Variants in SLC34A3 observed in about 807,000 individuals in gnomAD.
SLC34A3 encodes solute carrier family 34 member 3, also known as sodium-dependent phosphate transport protein 2C.
Under a neutral mutation model 43.9 loss-of-function variants are expected in SLC34A3, and 60 were observed. The observed-to-expected ratio is 1.37, with a 90% CI of 1.11 to 1.70. The LOEUF (loss-of-function observed/expected upper bound fraction) is 1.70. SLC34A3 is among the 40% of genes most tolerant of loss of function. The pLI, the probability that SLC34A3 is intolerant of heterozygous loss-of-function variation, is 0.00. For synonymous variants in SLC34A3, 451 were observed against 386.2 expected (o/e 1.17, Z -1.97); for missense variants, 969 against 823.8 (o/e 1.18, Z -2.16).
chr9:137,232,975 G>A (rs1362991475), intron 5 of SLC34A3, 29 bp from the exon 6 acceptor site: 6 of 1,607,724 alleles, frequency 3.7e-6, no homozygotes, highest in East Asian at 4.5e-5. Context: ...AGGGTGGGCC[G>A]CAGGCTGACT....
Position 137,234,303 on chromosome 9 carries a change from G to A in SLC34A3, c.1093+27G>A, listed in dbSNP as rs1475736805. On this transcript the variant is annotated intron_variant, in intron 10 of 12. Transcript: ENST00000673835. The surrounding 1 kb of genome is among the most constrained non-coding windows in gnomAD (Gnocchi z 6.9). ...TGAGGGCGTGGGAGGAGGTGCGGTG[G>A]CCAGGGCTGACCCAGCATCCCCCAT... is the stretch of plus-strand genomic sequence containing the variant. The A allele has an allele frequency of 1.9e-6, 3 of 1,607,680 alleles. No homozygotes were observed. The highest frequency in any genetic ancestry group is 1.3e-5 in the African/African-American group (1 of 75,000).
chr9:137,234,234 C>G lies in SLC34A3; in HGVS notation c.1051C>G (p.Arg351Gly). 1 of 1,609,874 alleles carries G rather than the reference C, an allele frequency of 6.2e-7. No homozygotes were observed. The highest frequency in any genetic ancestry group is 1.1e-5 in the South Asian group (1 of 90,678). Residue 351 changes from arginine to glycine, a missense_variant, in exon 10 of 13, where the codon CGC becomes GGC. Transcript: ENST00000673835. The surrounding 1 kb of genome is among the most constrained non-coding windows in gnomAD (Gnocchi z 6.9). ...AGTCAAGCTGCTCAACTCTGTGCTG[C>G]GCGGCCGCGTGGCCCAGGTCGTGAG... ...LIVKLLNSVLRGRVAQVVRTV... is the reference protein window; with the variant it reads ...LIVKLLNSVLGGRVAQVVRTV...
At chr9:137,232,975 G>T (rs1362991475) in intron 5 of SLC34A3, 29 bp from the exon 6 acceptor site, 1 of 1,607,844 alleles carries the variant, frequency 6.2e-7, no homozygotes, top group Non-Finnish European at 8.5e-7. Context: ...AGGGTGGGCC[G>T]CAGGCTGACT....
At position 137,236,207 on chromosome 9, in the gene SLC34A3, G is replaced by A. The variant is rs1202795596; in HGVS notation, c.1591G>A (p.Val531Ile). 2.5e-6 allele frequency: 4 copies of A among 1,593,560 alleles called. No individual in the cohort carries two copies. Among genetic ancestry groups the A allele is most frequent in the Non-Finnish European group, 3.4e-6 (4 of 1,172,498 alleles). ...GGGGCTGGTGCTCCTCGTCATCCTG[G>A]TTACTGTCCTGCAGCGGCGCCGGCC... The part of the protein sequence containing the change: ...LVGLVLLVIL[V>I]TVLQRRRPAW... Residue 531 changes from valine to isoleucine, a missense_variant, in exon 13 of 13, where the codon GTT becomes ATT. Physicochemically the swap from Val to Ile is conservative, Grantham distance 29. Transcript: ENST00000673835.
At position 137,234,465 on chromosome 9, in the gene SLC34A3, G is replaced by C; in HGVS notation, c.1143G>C (p.Ala381=). The change falls in exon 11 of 13, where the codon GCG becomes GCC. Residue 381 remains alanine (A), a synonymous_variant. Transcript: ENST00000673835. This position sits in a 1 kb window ranked among gnomAD's most constrained non-coding sequence, Gnocchi z 6.9. ...TCGGCGGCTACCTGGCCGTCCTCGCGGGCGCCGGCCTGACCTTCGCACTGC... is the reference window on the plus strand; with the variant it reads ...TCGGCGGCTACCTGGCCGTCCTCGCCGGCGCCGGCCTGACCTTCGCACTGC... ...GWLGGYLAVL[A]GAGLTFALQS... is the part of the protein sequence containing the mutation. The C allele has an allele frequency of 6.3e-7, 1 of 1,599,730 alleles. No homozygotes were observed. Among genetic ancestry groups the C allele is most frequent in the Non-Finnish European group, 8.5e-7 (1 of 1,179,272 alleles).
chr9:137,234,472 G>A lies in SLC34A3; in HGVS notation c.1150G>A (p.Gly384Ser), dbSNP rs201401168. 46 of 1,600,484 alleles carry A rather than the reference G, an allele frequency of 2.9e-5. No individual in the cohort carries two copies. In the African/African-American group the frequency reaches 3.7e-4, roughly 13 times the overall value. ...GGYLAVLAGA[G>S]LTFALQSSSV... is the part of the protein sequence containing the mutation. Reference sequence around the variant, plus strand: ...CTACCTGGCCGTCCTCGCGGGCGCCGGCCTGACCTTCGCACTGCAGAGCAG... The same window carrying A: ...CTACCTGGCCGTCCTCGCGGGCGCCAGCCTGACCTTCGCACTGCAGAGCAG... The change falls in exon 11 of 13, where the codon GGC becomes AGC. Residue 384 changes from glycine (G) to serine (S), a missense_variant. Physicochemically the swap from Gly to Ser is moderately conservative, Grantham distance 56. Coordinates refer to ENST00000673835, the MANE Select transcript of SLC34A3 (RefSeq NM_001177316.2). This position sits in a 1 kb window ranked among gnomAD's most constrained non-coding sequence, Gnocchi z 6.9.
intron 8 of SLC34A3, 57 bp downstream of exon 8, chr9:137,233,779 T>TGGGCCCCCCCC: frequency 6.9e-7 from 1 of 1,445,788 alleles, no homozygotes; most frequent in Non-Finnish European, 9.6e-7. Context: ...TGCTGAGTCA[T>TGGGCCCCCCCC]CCCGCCCCAC....
chr9:137,233,292 T>C lies in SLC34A3; in HGVS notation c.644T>C (p.Leu215Pro), dbSNP rs777540844. The C allele has an allele frequency of 3.0e-5, 48 of 1,592,486 alleles. 1 individual carries two copies. The South Asian group carries it at 4.5e-4, about 15-fold the overall frequency. ...CTGCCACTGGAGAGCGCCACGGCCC[T>C]GCTGGAGAGGCTAAGTGAGCTAGCC... ...VLLPLESATA[L>P]LERLSELALG... is the part of the protein sequence containing the mutation. The change falls in exon 7 of 13, where the codon CTG becomes CCG. Residue 215 changes from leucine to proline, a missense_variant. Leu to Pro is a moderately conservative substitution (Grantham distance 98, BLOSUM62 -3). Coordinates refer to ENST00000673835, the MANE Select transcript of SLC34A3 (RefSeq NM_001177316.2).
At position 137,233,255 on chromosome 9, in the gene SLC34A3, G is replaced by C; in HGVS notation, c.607G>C (p.Val203Leu). ...AVHGIFNWLT[V>L]LVLLPLESAT... ...GCACGGGATCTTCAACTGGCTCACA[G>C]TGCTGGTCCTGCTGCCACTGGAGAG... The change falls in exon 7 of 13, where the codon GTG becomes CTG. Residue 203 changes from valine (V) to leucine (L), a missense_variant. Coordinates refer to ENST00000673835, the MANE Select transcript of SLC34A3 (RefSeq NM_001177316.2). 1 of 1,580,196 alleles carries C rather than the reference G, an allele frequency of 6.3e-7. No homozygotes were observed. Among genetic ancestry groups the C allele is most frequent in the Non-Finnish European group, 8.6e-7 (1 of 1,163,214 alleles).
intron 8 of SLC34A3, 59 bp downstream of exon 8, chr9:137,233,781 C>CCCCCCCCCCCCCCA: frequency 1.4e-6 from 1 of 690,488 alleles, no homozygotes; most frequent in Non-Finnish European, 2.4e-6. Flanking sequence ...CTGAGTCATC[C>CCCCCCCCCCCCCCA]CGCCCCACCC....
chr9:137,233,779 T>TGGGCGCCCCCCCCCCCCCCCCCCCCCC, intron 8 of SLC34A3, 57 bp downstream of exon 8: 1 of 1,445,826 alleles, frequency 6.9e-7, no homozygotes. Context: ...TGCTGAGTCA[T>TGGGCGCCCCCCCCCCCCCCCCCCCCCC]CCCGCCCCAC....
Position 137,233,423 on chromosome 9 carries a change from C to T in SLC34A3, c.756+19C>T. The T allele has an allele frequency of 6.3e-7, 1 of 1,593,084 alleles. No individual in the cohort carries two copies. Among genetic ancestry groups the T allele is most frequent in the Non-Finnish European group, 8.5e-7 (1 of 1,172,668 alleles). ...CGTGCAGGTGAGGACGGCCACCGCC[C>T]CCGCCCAGAGAGCCTGAGCAGGCCG... On this transcript the variant is annotated intron_variant, in intron 7 of 12. Transcript: ENST00000673835.
chr9:137,232,198 G>A, intron 3 of SLC34A3, 37 bp downstream of exon 3: 1 of 1,589,108 alleles, frequency 6.3e-7, no homozygotes, highest in Non-Finnish European at 8.6e-7. Flanking sequence ...AGGCTGGCAG[G>A]CCTCTGTCCC....
intron 3 of SLC34A3, 105 bp from the exon 4 acceptor site, chr9:137,232,470 G>A (rs896483176): frequency 1.3e-5 from 19 of 1,498,056 alleles, no homozygotes; most frequent in Non-Finnish European, 1.7e-5. Flanking sequence ...ATGGGACCCA[G>A]CCCTGTTGGA....
Position 137,236,057 on chromosome 9 carries a change from A to G in SLC34A3, c.1441A>G (p.Thr481Ala). 2.5e-6 allele frequency: 4 copies of G among 1,612,392 alleles called. No individual in the cohort carries two copies. The highest frequency in any genetic ancestry group is 3.4e-6 in the Non-Finnish European group (4 of 1,179,830). ...GCTGGCCAGGCACTTCGGGGTGGTG[A>G]CCGCCCGTTACCGCTGGGTGGCTGG... is the stretch of plus-strand genomic sequence containing the variant. ...IPLARHFGVV[T>A]ARYRWVAGVY... Residue 481 changes from threonine to alanine, a missense_variant, in exon 13 of 13, where the codon ACC (threonine) becomes GCC (alanine). By Grantham distance (58) the Thr-to-Ala change is moderately conservative. Transcript: ENST00000673835.
chr9:137,236,036 G>T lies in SLC34A3; in HGVS notation c.1420G>T (p.Ala474Ser), dbSNP rs2131424326. Residue 474 changes from alanine to serine, a missense_variant, in exon 13 of 13, where the codon GCC becomes TCC. Ala to Ser is a moderately conservative substitution (Grantham distance 99). Coordinates refer to ENST00000673835, the MANE Select transcript of SLC34A3 (RefSeq NM_001177316.2). Reference protein sequence around the residue: ...VPALRLPIPLARHFGVVTARY... With the variant: ...VPALRLPIPLSRHFGVVTARY... ...TGCACTGCGGCTGCCCATCCCGCTGGCCAGGCACTTCGGGGTGGTGACCGC... is the reference window on the plus strand; with the variant it reads ...TGCACTGCGGCTGCCCATCCCGCTGTCCAGGCACTTCGGGGTGGTGACCGC... The T allele has an allele frequency of 6.2e-7, 1 of 1,612,620 alleles. No individual in the cohort carries two copies. Among genetic ancestry groups the T allele is most frequent in the East Asian group, 2.2e-5 (1 of 44,874 alleles).
In SLC34A3 at chr9:137,233,286, C is replaced by T. The variant is rs752335467; in HGVS notation, c.638C>T (p.Thr213Met). The change falls in exon 7 of 13, where the codon ACG (threonine) becomes ATG (methionine). Residue 213 changes from threonine (T) to methionine (M), a missense_variant. Coordinates refer to ENST00000673835, the MANE Select transcript of SLC34A3 (RefSeq NM_001177316.2). Reference sequence around the variant, plus strand: ...GTCCTGCTGCCACTGGAGAGCGCCACGGCCCTGCTGGAGAGGCTAAGTGAG... The same window carrying T: ...GTCCTGCTGCCACTGGAGAGCGCCATGGCCCTGCTGGAGAGGCTAAGTGAG... ...VLVLLPLESA[T>M]ALLERLSELA... 53 of 1,589,296 alleles carry T rather than the reference C, an allele frequency of 3.3e-5. No homozygotes were observed. The East Asian group carries it at 7.6e-4, about 23-fold the overall frequency.
chr9:137,233,779 T>TGGCCCCCCCCCCCCCCCCCCCCCCCC, intron 8 of SLC34A3, 57 bp downstream of exon 8: 1 of 1,445,816 alleles, frequency 6.9e-7, no homozygotes, highest in Non-Finnish European at 9.6e-7. Context: ...TGCTGAGTCA[T>TGGCCCCCCCCCCCCCCCCCCCCCCCC]CCCGCCCCAC....
Position 137,233,982 on chromosome 9 carries a change from C to G in SLC34A3, c.925+41C>G, listed in dbSNP as rs1209665771. On this transcript the variant is annotated intron_variant, in intron 9 of 12. Coordinates refer to ENST00000673835, the MANE Select transcript of SLC34A3 (RefSeq NM_001177316.2). ...CCCCAAGCCCCCTACACCCCCCACA[C>G]TCCCCCTCACCGGCCCCTACATGGA... is the stretch of plus-strand genomic sequence containing the variant. The G allele has an allele frequency of 6.0e-6, 9 of 1,490,892 alleles. No individual in the cohort carries two copies. The East Asian group carries it at 1.0e-4, about 17-fold the overall frequency. The allele number at this position is 1,490,892 out of a possible 1,614,324, so 92.4% of individuals were successfully genotyped here.
Sources: gnomAD v4.1 joint callset for allele counts on GRCh38, gnomAD v4.1.1 for gene constraint, Gnocchi (gnomAD v3.1) non-coding constraint, MANE v1.5 for transcripts, NCBI Gene and HGNC (gene_info 2026-07-23, HGNC 2026-07-21) for gene names.